SDK1: variants seen among roughly 807,000 people sequenced by gnomAD.
SDK1 encodes the protein protein sidekick-1.
In SDK1, 157 loss-of-function variants were observed where a neutral mutation model predicts 245.5. That is an observed-to-expected ratio of 0.64 (90% confidence interval 0.56 to 0.73). SDK1 has a LOEUF of 0.73. SDK1 is among the 30% of genes least tolerant of loss of function. The probability of loss-of-function intolerance (pLI) is 0.00; values close to 1 mark genes in which losing one functional copy is unlikely to be tolerated. For missense variants in SDK1, 3,583 were observed against 3,002.3 expected, an observed-to-expected ratio of 1.19 and a Z score of -4.52; for synonymous variants, 1,647 against 1,278.5, an observed-to-expected ratio of 1.29 and a Z score of -6.15.
chr7:4,138,793 G>GGAAAA (rs1779265986), intron 28 of SDK1, among the ~76,000 whole-genome samples: 1 of 151,208 alleles, frequency 6.6e-6, no homozygotes, highest in African/African-American at 2.4e-5. Context: ...AAGGAGGGAA[G>GGAAAA]GAAAAGAAAA....
chr7:3,952,924 C>G (rs1048104203), intron 7 of SDK1, among the ~76,000 whole-genome samples: 16 of 152,074 alleles, frequency 1.1e-4, no homozygotes, highest in African/African-American at 3.6e-4. Flanking sequence ...TCTCATTTTT[C>G]CAGCTACTGT....
intron 3 of SDK1, among the ~76,000 whole-genome samples, chr7:3,641,699 A>G (rs376189369): frequency 1.3e-5 from 2 of 152,336 alleles, no homozygotes; most frequent in South Asian, 2.1e-4. Context: ...ATTTCCTTGT[A>G]TTGTCAGGTA....
chr7:3,844,003 C>A (rs1176044903), intron 5 of SDK1, among the ~76,000 whole-genome samples: 1 of 152,158 alleles, frequency 6.6e-6, no homozygotes, highest in South Asian at 2.1e-4. Context: ...CAGAGTCTCA[C>A]CGTGTTGCCC....
intron 4 of SDK1, among the ~76,000 whole-genome samples, chr7:3,738,007 A>G (rs1232282642): frequency 1.3e-5 from 2 of 152,160 alleles, no homozygotes; most frequent in East Asian, 1.9e-4. Flanking sequence ...TGTTTTGTCT[A>G]TAGATAGTTT....
At chr7:4,258,103 T>G (rs1403550449) in intron 44 of SDK1, among the ~76,000 whole-genome samples, 1 of 152,204 alleles carries the variant, frequency 6.6e-6, no homozygotes, top group Admixed American at 6.5e-5. Context: ...ACTACAGGAC[T>G]TTTAGATCTT....
At chr7:4,040,822 A>T (rs1227177522) in intron 17 of SDK1, among the ~76,000 whole-genome samples, 1 of 152,186 alleles carries the variant, frequency 6.6e-6, no homozygotes, top group Admixed American at 6.5e-5. Context: ...ACACGTGGTG[A>T]CAAAGAAAAC....
At chr7:3,722,742 CG>C (rs1423645405) in intron 4 of SDK1, among the ~76,000 whole-genome samples, 1 of 152,158 alleles carries the variant, frequency 6.6e-6, no homozygotes, top group Non-Finnish European at 1.5e-5. Context: ...TCCTCAGATC[CG>C]GGGACTCGCG....
intron 5 of SDK1, among the ~76,000 whole-genome samples, chr7:3,947,395 T>G (rs896266734): frequency 1.3e-5 from 2 of 152,208 alleles, no homozygotes; most frequent in African/African-American, 4.8e-5. Flanking sequence ...GAAATAAATA[T>G]ACACTGTTTA....
At chr7:4,146,987 G>A (rs1373139507) in intron 29 of SDK1, among the ~76,000 whole-genome samples, 2 of 152,178 alleles carry the variant, frequency 1.3e-5, no homozygotes, top group Non-Finnish European at 2.9e-5. Context: ...TTCTCAGTGG[G>A]CTCCGCGCAT....
At chr7:3,905,004 A>AT (rs371860033) in intron 5 of SDK1, among the ~76,000 whole-genome samples, 40,976 of 148,700 alleles carry the variant, frequency 0.28, 7,052 homozygotes, top group African/African-American at 0.48. Flanking sequence ...AAAAAAAAAA[A>AT]AAAAATAATA....
chr7:3,533,143 G>A (rs1414850828), intron 1 of SDK1, among the ~76,000 whole-genome samples: 1 of 152,238 alleles, frequency 6.6e-6, no homozygotes, highest in Non-Finnish European at 1.5e-5. Flanking sequence ...GTTTGGTACA[G>A]TGCAAACCTT....
chr7:4,102,140 G>T (rs772411524), intron 22 of SDK1, among the ~76,000 whole-genome samples: 3 of 152,148 alleles, frequency 2.0e-5, no homozygotes, highest in African/African-American at 7.2e-5. Context: ...GCACAGCGTC[G>T]AGTCCCCTGC....
At chr7:3,735,283 C>T (rs568509916) in intron 4 of SDK1, among the ~76,000 whole-genome samples, 8 of 152,208 alleles carry the variant, frequency 5.3e-5, no homozygotes, top group South Asian at 2.1e-4. Flanking sequence ...TTTTACCTTG[C>T]GAAACTGAAA....
chr7:3,706,148 C>G (rs1416857973), intron 4 of SDK1, among the ~76,000 whole-genome samples: 1 of 152,066 alleles, frequency 6.6e-6, no homozygotes, highest in Non-Finnish European at 1.5e-5. Context: ...TTTTGATGTG[C>G]TGTTGGATTC....
chr7:3,422,276 C>G (rs1003318659), intron 1 of SDK1, among the ~76,000 whole-genome samples: 1 of 152,010 alleles, frequency 6.6e-6, no homozygotes, highest in African/African-American at 2.4e-5. Context: ...ATTATTCTAA[C>G]TTTGAATCCT....
intron 27 of SDK1, among the ~76,000 whole-genome samples, chr7:4,131,446 C>T (rs946914839): frequency 1.3e-5 from 2 of 152,208 alleles, no homozygotes; most frequent in Admixed American, 6.5e-5. Flanking sequence ...CCAAAATAGG[C>T]GTCATAACAC....
At chr7:4,125,343 A>AGATG (rs140627879) in intron 25 of SDK1, among the ~76,000 whole-genome samples, 14,255 of 131,456 alleles carry the variant, frequency 0.11, 1,114 homozygotes, top group African/African-American at 0.23. Flanking sequence ...ATGAATGAAT[A>AGATG]GATGGATGGA....
Position 3,388,647 on chromosome 7 carries a change from G to T in SDK1, c.298+86763G>T, listed in dbSNP as rs532235791. Among the ~76,000 whole-genome samples, 48 of 152,242 alleles carry T rather than the reference G, an allele frequency of 3.2e-4. 1 individual carries two copies. In the South Asian group the frequency reaches 9.5e-3, roughly 30 times the overall value. ...CTTTCTAGTTTGAAACGTATAAGCT[G>T]TTTCGTGCATTAGTGGAGATGAGAT... On this transcript the variant is annotated intron_variant, in intron 1 of 44. Coordinates refer to ENST00000404826, the MANE Select transcript of SDK1 (RefSeq NM_152744.4).
intron 17 of SDK1, among the ~76,000 whole-genome samples, chr7:4,047,299 T>G (rs989124591): frequency 6.6e-6 from 1 of 152,246 alleles, no homozygotes; most frequent in Non-Finnish European, 1.5e-5. Flanking sequence ...TTACTTTGAT[T>G]GTTATTCACA....
Sources: gnomAD v4.1 joint callset for allele counts (sites outside exome capture counted in the v4.1 genomes callset) on GRCh38, gnomAD v4.1.1 for gene constraint, MANE v1.5 for transcripts, NCBI Gene and HGNC (gene_info 2026-07-23, HGNC 2026-07-21) for gene names.